The following TBC1D1 variants were observed in gnomAD, a reference collection of about 807,000 sequenced individuals.
TBC1D1 encodes the protein TBC1 (tre-2/USP6, BUB2, cdc16) domain family, member 1.
In TBC1D1, 89 loss-of-function variants were observed where a neutral mutation model predicts 125.6. The ratio of observed to expected loss-of-function variants is 0.71; its 90% CI spans 0.60 to 0.85. The LOEUF is 0.85. TBC1D1 is among the 40% of genes least tolerant of loss of function. The pLI is 0.00. For synonymous variants in TBC1D1, 565 were observed against 564.1 expected, an observed-to-expected ratio of 1.00 and a Z score of -0.02; for missense variants, 1,377 against 1,469.2, an observed-to-expected ratio of 0.94 and a Z score of 1.03.
At chr4:38,020,493 A>G (rs1404447393) in intron 4 of TBC1D1, 98 bp from the exon 5 acceptor site, 9 of 965,322 alleles carry the variant, frequency 9.3e-6, no homozygotes, top group Non-Finnish European at 1.4e-5. Flanking sequence ...AGATAATAAA[A>G]AGTAAAATAA....
chr4:37,906,261 C>G (rs1260015750), intron 2 of TBC1D1, among the ~76,000 whole-genome samples: 41 of 152,142 alleles, frequency 2.7e-4, no homozygotes. Flanking sequence ...GATTCTCCTG[C>G]CTCAGCCCAC....
chr4:38,087,607 C>T (rs1278245691), intron 12 of TBC1D1, among the ~76,000 whole-genome samples: 5 of 151,812 alleles, frequency 3.3e-5, no homozygotes, highest in East Asian at 3.9e-4. Context: ...TTTGGGAGGC[C>T]GAGGTGGGCA....
intron 12 of TBC1D1, among the ~76,000 whole-genome samples, chr4:38,089,470 G>C (rs903275018): frequency 1.3e-5 from 2 of 152,154 alleles, no homozygotes; most frequent in Non-Finnish European, 2.9e-5. Flanking sequence ...TGTGACATTA[G>C]GCAACTTACA....
chr4:37,893,080 T>G (rs2152200866), intron 1 of TBC1D1, among the ~76,000 whole-genome samples: 1 of 152,284 alleles, frequency 6.6e-6, no homozygotes, highest in East Asian at 1.9e-4. Context: ...ACCTCTTCTG[T>G]GTTCACAGCA....
At chr4:38,034,972 A>G (rs1578363710) in intron 7 of TBC1D1, among the ~76,000 whole-genome samples, 1 of 152,198 alleles carries the variant, frequency 6.6e-6, no homozygotes, top group Admixed American at 6.5e-5. Flanking sequence ...TTGGCTTCAC[A>G]CTTCTCGGCA....
intron 2 of TBC1D1, among the ~76,000 whole-genome samples, chr4:37,916,679 T>A (rs1345469957): frequency 6.6e-6 from 1 of 152,138 alleles, no homozygotes; most frequent in Non-Finnish European, 1.5e-5. Context: ...CAAATTCCTA[T>A]TTTTGATGGT....
At chr4:38,054,472 A>T in intron 12 of TBC1D1, 134 bp downstream of exon 14, 1 of 1,157,782 alleles carries the variant, frequency 8.6e-7, no homozygotes, top group Middle Eastern at 3.0e-4. Flanking sequence ...CACAAAGGTA[A>T]CTAGGGAGGG....
intron 2 of TBC1D1, among the ~76,000 whole-genome samples, chr4:38,013,082 T>C (rs897631498): frequency 5.3e-4 from 80 of 152,328 alleles, no homozygotes; most frequent in African/African-American, 1.6e-3. Flanking sequence ...CATGAGCCAC[T>C]GCGCCTGGCT....
chr4:37,996,342 A>G (rs1737793238), intron 2 of TBC1D1: 1 of 185,638 alleles, frequency 5.4e-6, no homozygotes, highest in African/African-American at 2.3e-5. Context: ...AATGAATAGT[A>G]TTGTTATTGT....
At chr4:37,919,445 C>T (rs1028663432) in intron 2 of TBC1D1, among the ~76,000 whole-genome samples, 1 of 151,822 alleles carries the variant, frequency 6.6e-6, no homozygotes. Context: ...CTGGGCCTCC[C>T]AAAGTGCTGG....
At chr4:37,940,283 C>T (rs1432156718) in intron 2 of TBC1D1, among the ~76,000 whole-genome samples, 4 of 152,158 alleles carry the variant, frequency 2.6e-5, no homozygotes, top group Non-Finnish European at 5.9e-5. Context: ...CTCTTTGAAG[C>T]AATTGTGAAT....
intron 12 of TBC1D1, among the ~76,000 whole-genome samples, chr4:38,060,361 A>T (rs1173329845): frequency 6.6e-6 from 1 of 152,184 alleles, no homozygotes; most frequent in Non-Finnish European, 1.5e-5. Flanking sequence ...AAGCATTCTT[A>T]CTTCTCCGCA....
intron 15 of TBC1D1, chr4:38,110,787 G>A: frequency 1.0e-6 from 1 of 985,460 alleles, no homozygotes; most frequent in Non-Finnish European, 1.2e-6. Context: ...TGATAGATTT[G>A]TAGGAAGGAT....
chr4:38,041,975 A>G (rs1425696473), intron 8 of TBC1D1, among the ~76,000 whole-genome samples: 1 of 152,104 alleles, frequency 6.6e-6, no homozygotes, highest in Non-Finnish European at 1.5e-5. Context: ...GGAGTTCGAG[A>G]ACAGCCTGGT....
At chr4:38,006,798 C>T (rs1008961007) in intron 2 of TBC1D1, 8 of 509,606 alleles carry the variant, frequency 1.6e-5, no homozygotes, top group Non-Finnish European at 2.7e-5. Context: ...TTCTTTTATG[C>T]TGCTCTTTTC....
At chr4:38,018,480 G>A (rs762952777) in intron 4 of TBC1D1, 37 bp downstream of exon 4, 4 of 1,310,484 alleles carry the variant, frequency 3.1e-6, no homozygotes, top group Non-Finnish European at 4.3e-6. Context: ...AATTGCAATG[G>A]AATTTTTAAA....
intron 2 of TBC1D1, among the ~76,000 whole-genome samples, chr4:37,973,631 G>T (rs1244786551): frequency 6.6e-6 from 1 of 152,114 alleles, no homozygotes. Context: ...CCTGGGTTCA[G>T]CTTGTCCAGT....
At chr4:37,960,778 A>G (rs1344134059) in intron 2 of TBC1D1, 2 of 1,614,184 alleles carry the variant, frequency 1.2e-6, no homozygotes, top group South Asian at 1.1e-5. Context: ...CCAGAAATAG[A>G]AAAATTCTTT....
In TBC1D1 at chr4:38,014,378, C is replaced by T; in HGVS notation, c.418-131C>T. ...TAGTCCCCTCCCGTGGGCTCCTCCT[C>T]CAGTGGGCTCCTCCTCCAGTGCTCC... On this transcript the variant is annotated intron_variant, in intron 2 of 19. Transcript: ENST00000261439. This position sits in a 1 kb window ranked among gnomAD's most constrained non-coding sequence, Gnocchi z 5.1. 1.2e-6 allele frequency: 1 copy of T among 813,440 alleles called. No individual in the cohort carries two copies. The highest frequency in any genetic ancestry group is 2.0e-6 in the Non-Finnish European group (1 of 511,984). The allele number at this position is 813,440 out of a possible 1,614,324, so 50.4% of individuals were successfully genotyped here.
Sources: allele counts gnomAD v4.1 joint callset (sites outside exome capture counted in the v4.1 genomes callset), GRCh38; gene constraint gnomAD v4.1.1; non-coding constraint Gnocchi (gnomAD v3.1); transcripts MANE v1.5; gene names NCBI Gene and HGNC (gene_info 2026-07-23, HGNC 2026-07-21).